Variants in NCOR2 observed in about 807,000 individuals in gnomAD.
The protein encoded by NCOR2 is CTG repeat protein 26.
A neutral mutation model predicts 262.9 loss-of-function variants in NCOR2; 81 were observed. That is an observed-to-expected ratio of 0.31 (90% confidence interval 0.26 to 0.37). The LOEUF is 0.37. Among genes scored for constraint, NCOR2 ranks in the 10% least tolerant of loss-of-function variants. The pLI is 1.00. For synonymous variants in NCOR2, 1,659 were observed against 1,559.3 expected, an observed-to-expected ratio of 1.06 and a Z score of -1.51; for missense variants, 3,385 against 3,621.4, an observed-to-expected ratio of 0.93 and a Z score of 1.68.
chr12:124,561,534 G>A (rs972358690), intron 1 of NCOR2, among the ~76,000 whole-genome samples: 3 of 152,162 alleles, frequency 2.0e-5, no homozygotes, highest in South Asian at 2.1e-4. Flanking sequence ...ATTGGACAGC[G>A]CTACCCCAGA....
Position 124,523,376 on chromosome 12 carries a change from G to A in NCOR2, c.-118+12189C>T, listed in dbSNP as rs2137103044. ...GGCTCCTGGGAACCCACACCCCGGTGGCAGGGGCAGCGGCAGAGGAAAGAG... is the reference window on the plus strand; with the variant it reads ...GGCTCCTGGGAACCCACACCCCGGTAGCAGGGGCAGCGGCAGAGGAAAGAG... On this transcript the variant is annotated intron_variant, in intron 1 of 46. Coordinates refer to the NCOR2 transcript ENST00000404621. This position sits in a 1 kb window ranked among gnomAD's most constrained non-coding sequence, Gnocchi z 4.0. 6.6e-6 allele frequency among the ~76,000 whole-genome samples: 1 copy of A among 152,278 alleles called. No homozygotes were observed. Among genetic ancestry groups the A allele is most frequent in the African/African-American group, 2.4e-5 (1 of 41,560 alleles).
chr12:124,409,290 T>TC (rs1332195397), intron 13 of NCOR2, among the ~76,000 whole-genome samples: 3 of 152,156 alleles, frequency 2.0e-5, no homozygotes, highest in Non-Finnish European at 4.4e-5. Context: ...AGGGCAGCTC[T>TC]CCCCATGCCC....
At chr12:124,400,228 T>C (rs1023824657) in intron 15 of NCOR2, among the ~76,000 whole-genome samples, 4 of 152,138 alleles carry the variant, frequency 2.6e-5, no homozygotes, top group African/African-American at 9.7e-5. Context: ...GCTTCTCACA[T>C]AGCAAGTGAC....
intron 10 of NCOR2, 93 bp downstream of exon 12, chr12:124,429,520 C>T: frequency 7.3e-7 from 1 of 1,374,888 alleles, no homozygotes; most frequent in Non-Finnish European, 1.0e-6. Context: ...CGACGTAAAC[C>T]ACCCGGGAGG....
intron 16 of NCOR2, among the ~76,000 whole-genome samples, chr12:124,396,675 G>A (rs1374582832): frequency 6.6e-6 from 1 of 152,162 alleles, no homozygotes; most frequent in Non-Finnish European, 1.5e-5. Context: ...CTCAGCCTGG[G>A]GGGCGGAGGG....
chr12:124,361,489 C>T (rs1566396711), intron 22 of NCOR2, among the ~76,000 whole-genome samples: 2 of 152,374 alleles, frequency 1.3e-5, no homozygotes, highest in South Asian at 4.1e-4. Context: ...CGCCTGTCTC[C>T]TGACCTTGAG....
At chr12:124,421,768 G>A (rs760494091) in intron 12 of NCOR2, among the ~76,000 whole-genome samples, 18 of 152,184 alleles carry the variant, frequency 1.2e-4, no homozygotes, top group Non-Finnish European at 1.9e-4. Context: ...CAGGGGCCAC[G>A]TCCAACATGC....
intron 8 of NCOR2, among the ~76,000 whole-genome samples, chr12:124,433,393 G>A (rs12320956): frequency 0.024 from 3,647 of 152,358 alleles, 146 homozygotes; most frequent in African/African-American, 0.083. Context: ...GGAAAGTCAC[G>A]TGGTGACTGG....
At chr12:124,375,296 T>G (rs1270420155) in intron 18 of NCOR2, among the ~76,000 whole-genome samples, 1 of 152,150 alleles carries the variant, frequency 6.6e-6, no homozygotes, top group Non-Finnish European at 1.5e-5. Flanking sequence ...GGATGAAACT[T>G]CTGGGTCTCA....
chr12:124,380,237 GA>G (rs993853010), intron 17 of NCOR2, among the ~76,000 whole-genome samples: 5 of 152,206 alleles, frequency 3.3e-5, no homozygotes, highest in African/African-American at 1.2e-4. Flanking sequence ...TGGAGGGGAG[GA>G]GAGGGGGTCT....
chr12:124,500,878 G>A (rs1054613479), intron 1 of NCOR2, among the ~76,000 whole-genome samples: 4 of 152,176 alleles, frequency 2.6e-5, no homozygotes, highest in Admixed American at 1.3e-4. Flanking sequence ...TGCCCGGAGC[G>A]CTCAGCCGCG....
chr12:124,453,510 G>C (rs1383480763), intron 6 of NCOR2, among the ~76,000 whole-genome samples: 4 of 152,218 alleles, frequency 2.6e-5, no homozygotes, highest in African/African-American at 4.8e-5. Flanking sequence ...CAGACGCAGG[G>C]CGCAGGCAGA....
At chr12:124,365,976 C>T (rs1022282638) in intron 20 of NCOR2, among the ~76,000 whole-genome samples, 1 of 152,172 alleles carries the variant, frequency 6.6e-6, no homozygotes, top group Admixed American at 6.5e-5. Context: ...TACCACCATC[C>T]GTTTCAACCA....
chr12:124,485,069 C>T (rs2047703923), intron 2 of NCOR2, among the ~76,000 whole-genome samples: 1 of 152,216 alleles, frequency 6.6e-6, no homozygotes, highest in Non-Finnish European at 1.5e-5. Context: ...GGCCCAGAAC[C>T]CAGGGCTTCA....
intron 27 of NCOR2, 102 bp from the exon 30 acceptor site, chr12:124,350,839 T>G: frequency 8.2e-7 from 1 of 1,218,310 alleles, no homozygotes; most frequent in East Asian, 2.5e-5. Flanking sequence ...TGCCCACCGA[T>G]GCACACGCGT....
In NCOR2 at chr12:124,374,534, G is replaced by A. The variant is rs1179423428; in HGVS notation, c.2168-71C>T. 37 of 1,461,786 alleles carry A rather than the reference G, an allele frequency of 2.5e-5. No individual in the cohort carries two copies. In the East Asian group the frequency reaches 7.4e-4, roughly 29 times the overall value. The allele number at this position is 1,461,786 out of a possible 1,614,324, so 90.6% of individuals were successfully genotyped here. A position where few individuals can be genotyped will look rare whatever the true frequency, so the allele number is the denominator to read the frequency against. Reference sequence around the variant, plus strand: ...AGTGGGAGGGGAGGGAGGAGGCAACGTGGCCAAGAGGGGCCTGAAGCCCAG... The same window carrying A: ...AGTGGGAGGGGAGGGAGGAGGCAACATGGCCAAGAGGGGCCTGAAGCCCAG... On this transcript the variant is annotated intron_variant, in intron 18 of 46. Coordinates refer to ENST00000405201, the Ensembl canonical transcript of NCOR2.
chr12:124,326,924 C>T (rs2034710238), intron 45 of NCOR2, among the ~76,000 whole-genome samples: 1 of 152,148 alleles, frequency 6.6e-6, no homozygotes, highest in South Asian at 2.1e-4. Context: ...TCCCTGACTC[C>T]CAGGGCTGAG....
chr12:124,372,095 G>A, exon 20 of NCOR2: 5 of 1,603,594 alleles, frequency 3.1e-6, no homozygotes, highest in African/African-American at 2.7e-5. Context: ...CTGTCCTGGG[G>A]GGCGCCCGAG....
chr12:124,522,677 A>G (rs1435257240), intron 1 of NCOR2, among the ~76,000 whole-genome samples: 1 of 152,164 alleles, frequency 6.6e-6, no homozygotes, highest in East Asian at 1.9e-4. Flanking sequence ...TCAACCCACT[A>G]CCAAAGCCAA....
Sources: allele counts gnomAD v4.1 joint callset (sites outside exome capture counted in the v4.1 genomes callset), GRCh38; gene constraint gnomAD v4.1.1; non-coding constraint Gnocchi (gnomAD v3.1); transcripts MANE v1.5; gene names NCBI Gene and HGNC (gene_info 2026-07-23, HGNC 2026-07-21).